BIRC2: variants seen among roughly 807,000 people sequenced by gnomAD.
BIRC2 encodes baculoviral IAP repeat containing 2.
Under a neutral mutation model 60.9 loss-of-function variants are expected in BIRC2, and 18 were observed. That is an observed-to-expected ratio of 0.30 (90% CI 0.20 to 0.44). The LOEUF is 0.44. BIRC2 is among the 20% of genes least tolerant of loss of function. The pLI is 1.00. For synonymous variants in BIRC2, 282 were observed against 247.7 expected (o/e 1.14, Z -1.30); for missense variants, 701 against 728.5 (o/e 0.96, Z 0.43).
intron 3 of BIRC2, among the ~76,000 whole-genome samples, chr11:102,354,921 G>A (rs552266585): frequency 2.8e-5 from 3 of 107,832 alleles, no homozygotes; most frequent in East Asian, 2.7e-4. Flanking sequence ...TCCTTTGCCC[G>A]TTTTCTAACC....
intron 3 of BIRC2, among the ~76,000 whole-genome samples, chr11:102,361,098 C>T (rs747503504): frequency 3.9e-5 from 6 of 152,118 alleles, no homozygotes; most frequent in Non-Finnish European, 8.8e-5. Flanking sequence ...TGGCTTTGGG[C>T]TTGTTGTGTT....
chr11:102,368,709 T>C (rs2135818650), intron 6 of BIRC2, among the ~76,000 whole-genome samples, 161 bp downstream of exon 6: 1 of 152,290 alleles, frequency 6.6e-6, no homozygotes, highest in South Asian at 2.1e-4. Flanking sequence ...TTTCAATTGC[T>C]TCTAGTTGAG....
intron 5 of BIRC2, among the ~76,000 whole-genome samples, chr11:102,367,521 T>C (rs1031330081): frequency 1.3e-5 from 2 of 152,236 alleles, no homozygotes; most frequent in East Asian, 1.9e-4. Flanking sequence ...ATATTTATTA[T>C]AAGTTTCCAG....
rs1951733152 is a variant in BIRC2 at position 102,377,896 on chromosome 11, C to T, written c.1661C>T (p.Ser554Leu). ...NMKYIPTEDV[S>L]GLSLEEQLRR... ...AAGTATATTCCAACAGAAGATGTTT[C>T]AGGTAAAACAAAGATTTAAAACCAA... The change falls in exon 8 of 9, where the codon TCA (serine) becomes TTA (leucine). Residue 554 changes from serine to leucine, a missense_variant and splice_region_variant. By Grantham distance (145) the Ser-to-Leu change is moderately radical. Around this residue, in one of 4 missense-constraint regions of BIRC2, gnomAD observed 52 missense variants for 83.9 expected, o/e 0.62. Coordinates refer to ENST00000227758, the MANE Select transcript of BIRC2 (RefSeq NM_001166.5). 1 of 1,609,732 alleles carries T rather than the reference C, an allele frequency of 6.2e-7. No individual in the cohort carries two copies. Among genetic ancestry groups the T allele is most frequent in the Non-Finnish European group, 8.5e-7 (1 of 1,178,696 alleles).
rs186958632 is a variant in BIRC2 at position 102,349,880 on chromosome 11, T to G, written c.26T>G (p.Leu9Arg). The change falls in exon 2 of 9, where the codon CTT (leucine) becomes CGT (arginine). Residue 9 changes from leucine to arginine, a missense_variant. Leu to Arg is a moderately radical substitution (Grantham distance 102, BLOSUM62 -2). Around this residue, in one of 4 missense-constraint regions of BIRC2, gnomAD observed 375 missense variants for 365.9 expected, o/e 1.02. Transcript: ENST00000227758. ...ATGCACAAAACTGCCTCCCAAAGACTTTTCCCAGGTCCCTCGTATCAAAAC... is the reference window on the plus strand; with the variant it reads ...ATGCACAAAACTGCCTCCCAAAGACGTTTCCCAGGTCCCTCGTATCAAAAC... MHKTASQRLFPGPSYQNIK... is the reference protein window; with the variant it reads MHKTASQRRFPGPSYQNIK... The G allele has an allele frequency of 2.0e-5, 32 of 1,610,066 alleles. No homozygotes were observed. The African/African-American group carries it at 3.7e-4, about 19-fold the overall frequency.
In BIRC2 at chr11:102,376,942, A is replaced by G. The variant is rs117970816; in HGVS notation, c.1367-554A>G. Reference sequence around the variant, plus strand: ...AACCTAGGTCTGTTTTGACTTGGCAACTCAAACCCTACAATACTACAATAC... The same window carrying G: ...AACCTAGGTCTGTTTTGACTTGGCAGCTCAAACCCTACAATACTACAATAC... On this transcript the variant is annotated intron_variant, in intron 6 of 8. Transcript: ENST00000227758. Among the ~76,000 whole-genome samples, 26 of 152,184 alleles carry G rather than the reference A, an allele frequency of 1.7e-4. No individual in the cohort carries two copies. The East Asian group carries it at 3.1e-3, about 18-fold the overall frequency.
At chr11:102,367,409 AAT>A (rs1223513241) in intron 5 of BIRC2, among the ~76,000 whole-genome samples, 4 of 152,146 alleles carry the variant, frequency 2.6e-5, no homozygotes, top group African/African-American at 9.7e-5. Context: ...TTAAAAATGA[AAT>A]AGAGCTCATT....
At chr11:102,360,784 G>GTTTTTTTTTTTTTTTTTTTTTGT (rs200030086) in intron 3 of BIRC2, among the ~76,000 whole-genome samples, 1 of 129,346 alleles carries the variant, frequency 7.7e-6, no homozygotes, top group Non-Finnish European at 1.7e-5. Context: ...TGTTTTTTTT[G>GTTTTTTTTTTTTTTTTTTTTTGT]TTTTTTTTTT....
chr11:102,377,748 T>C lies in BIRC2; in HGVS notation c.1619T>C (p.Phe540Ser). The stretch of plus-strand genomic sequence containing the variant: ...GACTCTACATTGTATAAGAACTTAT[T>C]TGGTGAGTTTGTTGGGAAAATTATT... ...EIDSTLYKNLFVDKNMKYIPT... is the reference protein window; with the variant it reads ...EIDSTLYKNLSVDKNMKYIPT... The change falls in exon 7 of 9, where the codon TTT becomes TCT. Residue 540 changes from phenylalanine (F) to serine (S), a missense_variant and splice_region_variant. By Grantham distance (155) the Phe-to-Ser change is radical. Coordinates refer to ENST00000227758, the MANE Select transcript of BIRC2 (RefSeq NM_001166.5). The C allele has an allele frequency of 1.9e-6, 3 of 1,594,948 alleles. No homozygotes were observed. Among genetic ancestry groups the C allele is most frequent in the African/African-American group, 1.4e-5 (1 of 73,428 alleles).
At chr11:102,377,453 G>C (rs777145452) in intron 6 of BIRC2, 43 bp from the exon 7 acceptor site, 1 of 1,538,852 alleles carries the variant, frequency 6.5e-7, no homozygotes. Context: ...ATAGTTAAAG[G>C]AGTTTAAAAT....
At chr11:102,372,013 ATCCCCTTTATCATTTT>A (rs1951637581) in intron 6 of BIRC2, among the ~76,000 whole-genome samples, 1 of 152,150 alleles carries the variant, frequency 6.6e-6, no homozygotes, top group Admixed American at 6.5e-5. Flanking sequence ...CAGTGGTGAT[ATCCCCTTTATCATTTT>A]TTATTGCGTC....
rs1951332650 is a variant in BIRC2, at chr11:102,349,800, T to C, written c.-55T>C. 3 of 1,496,466 alleles carry C rather than the reference T, an allele frequency of 2.0e-6. No individual in the cohort carries two copies. The highest frequency in any genetic ancestry group is 4.5e-5 in the Admixed American group (2 of 44,896). The allele number at this position is 1,496,466 out of a possible 1,614,324, so 92.7% of individuals were successfully genotyped here. A position where few individuals can be genotyped will look rare whatever the true frequency, so the allele number is the denominator to read the frequency against. On this transcript the variant is annotated 5_prime_UTR_variant, in exon 2 of 9. It removes an upstream start codon present in the reference 5' UTR. Transcript: ENST00000227758. ...TTTTTGTGGTAAAAATCTTAGTTCA[T>C]GTGAAGAAATTTCATGTGAATGTTT...
chr11:102,367,477 G>A (rs1591540079), intron 5 of BIRC2, among the ~76,000 whole-genome samples: 1 of 152,092 alleles, frequency 6.6e-6, no homozygotes, highest in African/African-American at 2.4e-5. Flanking sequence ...GATTCCACGC[G>A]TGTTTGAACA....
intron 3 of BIRC2, among the ~76,000 whole-genome samples, chr11:102,352,110 T>A (rs943138900): frequency 6.6e-6 from 1 of 152,022 alleles, no homozygotes; most frequent in South Asian, 2.1e-4. Flanking sequence ...CTCTTTTTTT[T>A]TTTTTTTGTT....
chr11:102,352,406 G>A (rs533339806), intron 3 of BIRC2, among the ~76,000 whole-genome samples: 2 of 148,184 alleles, frequency 1.3e-5, no homozygotes, highest in East Asian at 2.0e-4. Context: ...GAGCCACCGC[G>A]TCCAGCCCTT....
intron 6 of BIRC2, among the ~76,000 whole-genome samples, chr11:102,374,775 G>A (rs868082884): frequency 2.0e-5 from 3 of 152,248 alleles, no homozygotes; most frequent in Admixed American, 6.5e-5. Context: ...CCTCGCTGCT[G>A]CCTTGCAGTT....
chr11:102,365,418 AT>A (rs1031331974), intron 5 of BIRC2, among the ~76,000 whole-genome samples: 2 of 152,120 alleles, frequency 1.3e-5, no homozygotes, highest in African/African-American at 4.8e-5. Flanking sequence ...ACCTAGGAAG[AT>A]TTATCTGTGC....
At position 102,365,953 on chromosome 11, in the gene BIRC2, A is replaced by G. The variant is rs143425250; in HGVS notation, c.1123+2237A>G. Among the ~76,000 whole-genome samples, 417 of 152,084 alleles carry G rather than the reference A, an allele frequency of 2.7e-3. 2 individuals carry two copies. Among genetic ancestry groups the G allele is most frequent in the African/African-American group, 9.6e-3 (397 of 41,488 alleles). ...TCAGACCCCATACTCTTGGTTTTCT[A>G]TTTCCCTGGTTGGTCCTGAACAATT... On this transcript the variant is annotated intron_variant, in intron 5 of 8. Coordinates refer to ENST00000227758, the MANE Select transcript of BIRC2 (RefSeq NM_001166.5).
In BIRC2 at chr11:102,377,576, T is replaced by G; in HGVS notation, c.1447T>G (p.Leu483Val). The change falls in exon 7 of 9, where the codon TTA becomes GTA. Residue 483 changes from leucine to valine, a missense_variant. By Grantham distance (32) the Leu-to-Val change is conservative. Around this residue, in one of 4 missense-constraint regions of BIRC2, gnomAD observed 235 missense variants for 208.9 expected, o/e 1.12. Coordinates refer to ENST00000227758, the MANE Select transcript of BIRC2 (RefSeq NM_001166.5). Reference protein sequence around the residue: ...TCVLPILDNLLKANVINKQEH... With the variant: ...TCVLPILDNLVKANVINKQEH... The stretch of plus-strand genomic sequence containing the variant: ...TGTGCTTCCTATCCTGGATAATCTT[T>G]TAAAGGCCAATGTAATTAATAAACA... 6.2e-7 allele frequency: 1 copy of G among 1,611,642 alleles called. No individual in the cohort carries two copies. Among genetic ancestry groups the G allele is most frequent in the Non-Finnish European group, 8.5e-7 (1 of 1,178,940 alleles).
Sources: gnomAD v4.1 joint callset for allele counts (sites outside exome capture counted in the v4.1 genomes callset) on GRCh38, gnomAD v4.1.1 for gene constraint, gnomAD v4.1.1 regional missense constraint, MANE v1.5 for transcripts, NCBI Gene and HGNC (gene_info 2026-07-23, HGNC 2026-07-21) for gene names.